USP12: variants seen among roughly 807,000 people sequenced by gnomAD.
The protein encoded by USP12 is ubiquitin specific peptidase 12.
Under a neutral mutation model 45.5 loss-of-function variants are expected in USP12, and 19 were observed. The observed-to-expected ratio is 0.42, with a 90% CI of 0.29 to 0.61. The LOEUF (loss-of-function observed/expected upper bound fraction) is 0.61, where lower values mean the gene tolerates loss of function less well. Among genes scored for constraint, USP12 ranks in the 20% least tolerant of loss-of-function variants. The pLI, the probability that USP12 is intolerant of heterozygous loss-of-function variation, is 0.22. For synonymous variants in USP12, 149 were observed against 148.8 expected, an observed-to-expected ratio of 1.00 and a Z score of -0.01; for missense variants, 242 against 447.7, an observed-to-expected ratio of 0.54 and a Z score of 4.15.
At chr13:27,154,224 A>T (rs1203076501) in intron 1 of USP12, among the ~76,000 whole-genome samples, 1 of 152,234 alleles carries the variant, frequency 6.6e-6, no homozygotes, top group East Asian at 1.9e-4. Context: ...TGTAAATATA[A>T]AAGGTTCTGA....
intron 2 of USP12, among the ~76,000 whole-genome samples, chr13:27,111,426 T>G (rs1275051692): frequency 6.6e-6 from 1 of 152,226 alleles, no homozygotes; most frequent in Non-Finnish European, 1.5e-5. Flanking sequence ...TGCTGAAATC[T>G]ATGCTGTGTT....
At chr13:27,163,859 G>T (rs1276074206) in intron 1 of USP12, among the ~76,000 whole-genome samples, 1 of 151,764 alleles carries the variant, frequency 6.6e-6, no homozygotes, top group Non-Finnish European at 1.5e-5. Context: ...CTGGCTAAGG[G>T]TCTCCTATCA....
intron 2 of USP12, among the ~76,000 whole-genome samples, chr13:27,116,308 T>C (rs1311020701): frequency 9.9e-6 from 1 of 101,396 alleles, no homozygotes; most frequent in Admixed American, 1.1e-4. Flanking sequence ...CAAGACGCTG[T>C]CTCAAAAAAA....
At chr13:27,148,676 T>TGTTA (rs1555238403) in intron 1 of USP12, among the ~76,000 whole-genome samples, 3 of 139,432 alleles carry the variant, frequency 2.2e-5, no homozygotes, top group Admixed American at 1.5e-4. Context: ...AAAAAAAAAA[T>TGTTA]TATATATATA....
At chr13:27,095,343 A>G (rs74041148) in intron 4 of USP12, among the ~76,000 whole-genome samples, 1,608 of 152,280 alleles carry the variant, frequency 0.011, 36 homozygotes, top group African/African-American at 0.036. Context: ...ACATGGTTCT[A>G]TGGCCTCCTA....
chr13:27,149,297 A>C (rs1024610591), intron 1 of USP12, among the ~76,000 whole-genome samples: 3 of 152,236 alleles, frequency 2.0e-5, no homozygotes, highest in Admixed American at 2.0e-4. Context: ...TTAATAGCGA[A>C]AACACTGGAT....
chr13:27,105,691 CT>C, intron 3 of USP12, 39 bp downstream of exon 3: 3 of 1,572,818 alleles, frequency 1.9e-6, no homozygotes, highest in Non-Finnish European at 2.6e-6. Flanking sequence ...TATATTTAAC[CT>C]TCCTAGTATG....
At chr13:27,166,666 A>C (rs1878358954) in intron 1 of USP12, among the ~76,000 whole-genome samples, 1 of 152,250 alleles carries the variant, frequency 6.6e-6, no homozygotes, top group Non-Finnish European at 1.5e-5. Flanking sequence ...ATGCCACATA[A>C]TTGAATATGG....
intron 1 of USP12, among the ~76,000 whole-genome samples, chr13:27,156,120 C>T (rs146212445): frequency 6.6e-6 from 1 of 151,948 alleles, no homozygotes; most frequent in African/African-American, 2.4e-5. Flanking sequence ...CTGACAATGC[C>T]AGCCTCATCA....
Position 27,105,790 on chromosome 13 carries a change from T to C in USP12, c.284A>G (p.Lys95Arg). The change falls in exon 3 of 9, where the codon AAG becomes AGG. Residue 95 changes from lysine to arginine, a missense_variant. Lys to Arg is a conservative substitution (Grantham distance 26). Around this residue, in one of 5 missense-constraint regions of USP12, gnomAD observed 77 missense variants for 153.7 expected, o/e 0.50. Coordinates refer to ENST00000282344, the MANE Select transcript of USP12 (RefSeq NM_182488.4). ...AGGGGGTATTACTCCAACCTTTTTC[T>C]TCTGAGTGGCTATGCTATGGAAGAG... ...ADLFHSIATQ[K>R]KKVGVIPPKK... 2 of 1,613,854 alleles carry C rather than the reference T, an allele frequency of 1.2e-6. No individual in the cohort carries two copies. Among genetic ancestry groups the C allele is most frequent in the African/African-American group, 1.3e-5 (1 of 75,054 alleles).
At chr13:27,099,899 C>T (rs147340283) in intron 3 of USP12, among the ~76,000 whole-genome samples, 209 of 152,242 alleles carry the variant, frequency 1.4e-3, no homozygotes, top group African/African-American at 4.8e-3. Flanking sequence ...CTAAGAGCTC[C>T]GTACTAGCCT....
rs1874553004 is a variant in USP12, at chr13:27,095,808, T to C, written c.366A>G (p.Gln122=). Residue 122 remains glutamine (Q), a synonymous_variant, in exon 4 of 9, where the codon CAA becomes CAG. Coordinates refer to ENST00000282344, the MANE Select transcript of USP12 (RefSeq NM_182488.4). ...KENELFDNYM[Q]QDAHEFLNYL... ...AATTTAAGAATTCATGGGCATCTTGTTGCATGTAGTTGTCAAAAAGCTCTG... is the reference window on the plus strand; with the variant it reads ...AATTTAAGAATTCATGGGCATCTTGCTGCATGTAGTTGTCAAAAAGCTCTG... The C allele has an allele frequency of 1.3e-6, 2 of 1,596,734 alleles. No homozygotes were observed. The highest frequency in any genetic ancestry group is 1.2e-5 in the South Asian group (1 of 86,500).
At chr13:27,132,871 A>G (rs1876570492) in intron 1 of USP12, among the ~76,000 whole-genome samples, 1 of 152,234 alleles carries the variant, frequency 6.6e-6, no homozygotes, top group African/African-American at 2.4e-5. Flanking sequence ...CTAAAGGTGA[A>G]AGCCTGGCAA....
At chr13:27,112,287 CTTTT>C in intron 2 of USP12, among the ~76,000 whole-genome samples, 1 of 143,362 alleles carries the variant, frequency 7.0e-6, no homozygotes, top group South Asian at 2.3e-4. Context: ...TTCATAGCTA[CTTTT>C]TTTTTTTTTT....
At chr13:27,162,642 A>G (rs1878162161) in intron 1 of USP12, among the ~76,000 whole-genome samples, 1 of 152,194 alleles carries the variant, frequency 6.6e-6, no homozygotes, top group Non-Finnish European at 1.5e-5. Context: ...TGACAATACT[A>G]TCGTGTTACT....
intron 1 of USP12, among the ~76,000 whole-genome samples, chr13:27,133,889 T>C (rs964565470): frequency 6.6e-5 from 10 of 152,240 alleles, no homozygotes; most frequent in Admixed American, 4.6e-4. Flanking sequence ...CCCAACCCTT[T>C]GGGAGGTCAA....
intron 3 of USP12, among the ~76,000 whole-genome samples, chr13:27,100,224 C>T (rs1874804189): frequency 6.6e-6 from 1 of 152,172 alleles, no homozygotes; most frequent in South Asian, 2.1e-4. Flanking sequence ...TCCTCCGTCC[C>T]TGAAAATAAT....
At chr13:27,133,919 C>T (rs1876658784) in intron 1 of USP12, among the ~76,000 whole-genome samples, 1 of 152,168 alleles carries the variant, frequency 6.6e-6, no homozygotes. Context: ...ATCACGTGAG[C>T]CCAGGAACTT....
Position 27,165,557 on chromosome 13 carries a change from C to T in USP12, c.48+6035G>A, listed in dbSNP as rs189676725. 1.6e-4 allele frequency among the ~76,000 whole-genome samples: 25 copies of T among 152,222 alleles called. No homozygotes were observed. The East Asian group carries it at 3.5e-3, about 21-fold the overall frequency. On this transcript the variant is annotated intron_variant, in intron 1 of 8. Coordinates refer to ENST00000282344, the MANE Select transcript of USP12 (RefSeq NM_182488.4). ...TTACCATGGGCCAGGTACTAGTCAACAACCCTATGAACTAGATGTTATTTT... is the reference window on the plus strand; with the variant it reads ...TTACCATGGGCCAGGTACTAGTCAATAACCCTATGAACTAGATGTTATTTT...
Sources: allele counts gnomAD v4.1 joint callset (sites outside exome capture counted in the v4.1 genomes callset), GRCh38; gene constraint gnomAD v4.1.1; regional missense constraint gnomAD v4.1.1; transcripts MANE v1.5; gene names NCBI Gene and HGNC (gene_info 2026-07-23, HGNC 2026-07-21).